ANKRD33: variants seen among roughly 807,000 people sequenced by gnomAD.
ANKRD33 encodes ankyrin repeat domain 33.
Under a neutral mutation model 20.6 loss-of-function variants are expected in ANKRD33, and 20 were observed. The ratio of observed to expected loss-of-function variants is 0.97; its 90% CI spans 0.68 to 1.41. The LOEUF is 1.41. Ranked by LOEUF, ANKRD33 falls within the 40% of genes most tolerant of loss-of-function variation. ANKRD33 has a pLI of 0.00. For missense variants in ANKRD33, 545 were observed against 579.6 expected (o/e 0.94, Z 0.61); for synonymous variants, 246 against 245.0 (o/e 1.00, Z -0.04).
At position 51,891,245 on chromosome 12, in the gene ANKRD33, C is replaced by A; in HGVS notation, c.1299C>A (p.Tyr433Ter). The A allele has an allele frequency of 1.2e-6, 2 of 1,614,226 alleles. No homozygotes were observed. Among genetic ancestry groups the A allele is most frequent in the Non-Finnish European group, 1.7e-6 (2 of 1,180,052 alleles). Residue 433 changes from tyrosine (Y) to a stop codon, truncating the protein, a stop_gained, in exon 5 of 5, where the codon TAC becomes TAA. Coordinates refer to ENST00000301190, the MANE Select transcript of ANKRD33 (RefSeq NM_182608.4). LOFTEE classifies it high-confidence loss of function. ...GTCTGGCCCTTCCTCTCTGGCGATACCAGGAGCTCAGGATAGAGAAGAGGA... is the reference window on the plus strand; with the variant it reads ...GTCTGGCCCTTCCTCTCTGGCGATAACAGGAGCTCAGGATAGAGAAGAGGA... ...HQSLALPLWR[Y>*]QELRIEKRKQ...
Position 51,888,765 on chromosome 12 carries a change from C to A in ANKRD33, c.343C>A (p.Leu115Met), listed in dbSNP as rs1438063481. The change falls in exon 2 of 5, where the codon CTG (leucine) becomes ATG (methionine). Residue 115 changes from leucine to methionine, a missense_variant. Coordinates refer to ENST00000301190, the MANE Select transcript of ANKRD33 (RefSeq NM_182608.4). Reference protein sequence around the residue: ...HNDPTQLQAILDGGVSPEEAT... With the variant: ...HNDPTQLQAIMDGGVSPEEAT... Reference sequence around the variant, plus strand: ...TGATCCCACCCAGCTCCAAGCCATACTGGATGGTGGGGTCTCCCCAGAGGA... The same window carrying A: ...TGATCCCACCCAGCTCCAAGCCATAATGGATGGTGGGGTCTCCCCAGAGGA... The A allele has an allele frequency of 6.2e-7, 1 of 1,614,100 alleles. No homozygotes were observed.
rs1474406182 is a variant in ANKRD33 at position 51,888,747 on chromosome 12, A to T, written c.325A>T (p.Thr109Ser). 5 of 1,613,712 alleles carry T rather than the reference A, an allele frequency of 3.1e-6. No individual in the cohort carries two copies. The highest frequency in any genetic ancestry group is 4.2e-6 in the Non-Finnish European group (5 of 1,180,006). ...LYWACVHNDPTQLQAILDGGV... is the reference protein window; with the variant it reads ...LYWACVHNDPSQLQAILDGGV... ...TTGGGCCTGTGTCCACAATGATCCC[A>T]CCCAGCTCCAAGCCATACTGGATGG... Residue 109 changes from threonine to serine, a missense_variant, in exon 2 of 5, where the codon ACC becomes TCC. Coordinates refer to ENST00000301190, the MANE Select transcript of ANKRD33 (RefSeq NM_182608.4).
chr12:51,888,838 C>T lies in ANKRD33; in HGVS notation c.396+20C>T. On this transcript the variant is annotated intron_variant, in intron 2 of 4. Coordinates refer to ENST00000301190, the MANE Select transcript of ANKRD33 (RefSeq NM_182608.4). ...GGGAGGGTGAGATGTCCTGGCTTCCCAGAACAGCTGGGGGCATCTTTGCAT... is the reference window on the plus strand; with the variant it reads ...GGGAGGGTGAGATGTCCTGGCTTCCTAGAACAGCTGGGGGCATCTTTGCAT... The T allele has an allele frequency of 6.2e-7, 1 of 1,611,048 alleles. No individual in the cohort carries two copies. Among genetic ancestry groups the T allele is most frequent in the Middle Eastern group, 1.7e-4 (1 of 6,058 alleles).
Position 51,891,446 on chromosome 12 carries a change from C to G in ANKRD33, c.*141C>G, listed in dbSNP as rs1230516257. 1.5e-6 allele frequency: 2 copies of G among 1,336,790 alleles called. No homozygotes were observed. The highest frequency in any genetic ancestry group is 2.9e-5 in the African/African-American group (2 of 67,848). 82.8% of individuals were successfully genotyped at this position (1,336,790 alleles called of 1,614,324 possible). The stretch of plus-strand genomic sequence containing the variant: ...CAACCTATATATATACAAGGTCATT[C>G]ATTCTAGCATTGTTTGCAAGAGTGA... On this transcript the variant is annotated 3_prime_UTR_variant, in exon 5 of 5. Transcript: ENST00000301190.
Position 51,888,720 on chromosome 12 carries a change from T to A in ANKRD33, c.298T>A (p.Tyr100Asn). 2 of 1,614,066 alleles carry A rather than the reference T, an allele frequency of 1.2e-6. No homozygotes were observed. Among genetic ancestry groups the A allele is most frequent in the Non-Finnish European group, 1.7e-6 (2 of 1,179,996 alleles). The change falls in exon 2 of 5, where the codon TAT becomes AAT. Residue 100 changes from tyrosine to asparagine, a missense_variant. Coordinates refer to ENST00000301190, the MANE Select transcript of ANKRD33 (RefSeq NM_182608.4). ...PTPGCRLGAL[Y>N]WACVHNDPTQ... ...CCCAGGCTGCAGGCTGGGGGCCCTG[T>A]ATTGGGCCTGTGTCCACAATGATCC...
In ANKRD33 at chr12:51,888,291, G is replaced by A. The variant is rs1218850876; in HGVS notation, c.105G>A (p.Val35=). 6.2e-7 allele frequency: 1 copy of A among 1,613,602 alleles called. No individual in the cohort carries two copies. The highest frequency in any genetic ancestry group is 8.5e-7 in the Non-Finnish European group (1 of 1,179,874). The change falls in exon 1 of 5, where the codon GTG becomes GTA. Residue 35 remains valine, a synonymous_variant. Transcript: ENST00000301190. ...PVIVLRGAWA[V]PRVDCLIDTL... ...TTGTGCTCCGCGGAGCCTGGGCTGT[G>A]CCCCGCGTTGACTGCCTCATAGATA... is the stretch of plus-strand genomic sequence containing the variant.
At position 51,891,307 on chromosome 12, in the gene ANKRD33, G is replaced by A; in HGVS notation, c.*2G>A. 1 of 1,613,508 alleles carries A rather than the reference G, an allele frequency of 6.2e-7. No individual in the cohort carries two copies. The highest frequency in any genetic ancestry group is 1.7e-5 in the Admixed American group (1 of 59,974). ...GAGGCCAGAATGGCACAGAAGTAGG[G>A]GAAGATGGGATAGGACAGGCTGGGA... On this transcript the variant is annotated 3_prime_UTR_variant, in exon 5 of 5. Transcript: ENST00000301190.
At chr12:51,890,325 A>T in intron 4 of ANKRD33, 1 of 848,382 alleles carries the variant, frequency 1.2e-6, no homozygotes, top group South Asian at 1.5e-5. Context: ...AGCTCCTTGG[A>T]TTGAGGAGAT....
rs113836913 is a variant in ANKRD33 at position 51,889,525 on chromosome 12, T to C, written c.637+43T>C. 1.7e-5 allele frequency: 28 copies of C among 1,603,692 alleles called. 1 individual carries two copies. Among genetic ancestry groups the C allele is most frequent in the African/African-American group, 1.7e-4 (13 of 74,746 alleles). ...CTCCTCATGGCAGGTGTGCGGGGCC[T>C]GGACCGGGGTGTGTGGCCTCCAGTC... On this transcript the variant is annotated intron_variant, in intron 4 of 4. Coordinates refer to ENST00000301190, the MANE Select transcript of ANKRD33 (RefSeq NM_182608.4).
chr12:51,889,357 C>G lies in ANKRD33; in HGVS notation c.527-15C>G, dbSNP rs1256647877. On this transcript the variant is annotated splice_polypyrimidine_tract_variant and intron_variant, in intron 3 of 4. Transcript: ENST00000301190. ...CCCTTTCCTGGGGACCAAGCTTACC[C>G]TTGCTGCCCTGCAGGCCACGTGCCT... is the stretch of plus-strand genomic sequence containing the variant. 6.2e-7 allele frequency: 1 copy of G among 1,613,194 alleles called. No individual in the cohort carries two copies. The highest frequency in any genetic ancestry group is 1.1e-5 in the South Asian group (1 of 90,968).
chr12:51,890,543 C>G (rs780169587), intron 4 of ANKRD33, 41 bp from the exon 5 acceptor site: 17 of 1,583,306 alleles, frequency 1.1e-5, no homozygotes. Flanking sequence ...AAATCACCAA[C>G]CCCTATCCCG....
At chr12:51,889,312 G>A (rs188255079) in intron 3 of ANKRD33, 60 bp from the exon 4 acceptor site, 19 of 1,606,752 alleles carry the variant, frequency 1.2e-5, no homozygotes, top group East Asian at 4.5e-5. Context: ...GGTGGAGGGC[G>A]GTTTGGGAGC....
chr12:51,889,674 C>G (rs2139037461), intron 4 of ANKRD33, 192 bp downstream of exon 4: 1 of 1,098,652 alleles, frequency 9.1e-7, no homozygotes, highest in South Asian at 1.7e-5. Context: ...ATTTGGGCTT[C>G]GTACAATCAA....
chr12:51,890,913 G>C lies in ANKRD33; in HGVS notation c.967G>C (p.Ala323Pro). ...TSLASPFVTT[A>P]CHTLCPDHPP... ...CCTGGCCAGTCCCTTCGTCACCACT[G>C]CCTGCCACACTCTGTGCCCTGACCA... Residue 323 changes from alanine (A) to proline (P), a missense_variant, in exon 5 of 5, where the codon GCC becomes CCC. Transcript: ENST00000301190. 1 of 1,613,438 alleles carries C rather than the reference G, an allele frequency of 6.2e-7. No individual in the cohort carries two copies.
chr12:51,890,899 C>T lies in ANKRD33; in HGVS notation c.953C>T (p.Pro318Leu). Residue 318 changes from proline (P) to leucine (L), a missense_variant, in exon 5 of 5, where the codon CCC (proline) becomes CTC (leucine). Coordinates refer to ENST00000301190, the MANE Select transcript of ANKRD33 (RefSeq NM_182608.4). ...LVTATTSLASPFVTTACHTLC... is the reference protein window; with the variant it reads ...LVTATTSLASLFVTTACHTLC... Reference sequence around the variant, plus strand: ...ACTGCCACAACCAGCCTGGCCAGTCCCTTCGTCACCACTGCCTGCCACACT... The same window carrying T: ...ACTGCCACAACCAGCCTGGCCAGTCTCTTCGTCACCACTGCCTGCCACACT... 1 of 1,613,514 alleles carries T rather than the reference C, an allele frequency of 6.2e-7. No homozygotes were observed. The highest frequency in any genetic ancestry group is 8.5e-7 in the Non-Finnish European group (1 of 1,179,998).
chr12:51,890,917 G>GC lies in ANKRD33; in HGVS notation c.973dup (p.His325ProfsTer6), dbSNP rs1940405853. ...GCCAGTCCCTTCGTCACCACTGCCT[G>GC]CCACACTCTGTGCCCTGACCATCCA... On this transcript the variant is annotated frameshift_variant, in exon 5 of 5. Transcript: ENST00000301190. LOFTEE classifies it low-confidence loss of function (END_TRUNC). 6 of 1,613,574 alleles carry GC rather than the reference G, an allele frequency of 3.7e-6. No individual in the cohort carries two copies. The Admixed American group carries it at 1.0e-4, about 27-fold the overall frequency.
rs766681544 is a variant in ANKRD33, at chr12:51,888,727, C to T, written c.305C>T (p.Ala102Val). 1 of 1,614,062 alleles carries T rather than the reference C, an allele frequency of 6.2e-7. No homozygotes were observed. The highest frequency in any genetic ancestry group is 1.1e-5 in the South Asian group (1 of 91,088). Residue 102 changes from alanine (A) to valine (V), a missense_variant, in exon 2 of 5, where the codon GCC (alanine) becomes GTC (valine). By Grantham distance (64) the Ala-to-Val change is moderately conservative. Coordinates refer to ENST00000301190, the MANE Select transcript of ANKRD33 (RefSeq NM_182608.4). ...PGCRLGALYW[A>V]CVHNDPTQLQ... ...TGCAGGCTGGGGGCCCTGTATTGGG[C>T]CTGTGTCCACAATGATCCCACCCAG...
At chr12:51,888,895 A>AGAGG in intron 2 of ANKRD33, 77 bp downstream of exon 2, 4 of 1,597,714 alleles carry the variant, frequency 2.5e-6, no homozygotes, top group Non-Finnish European at 3.4e-6. Flanking sequence ...TGGCTCCCTG[A>AGAGG]GAGGGGTTCA....
In ANKRD33 at chr12:51,890,849, G is replaced by A. The variant is rs1940402480; in HGVS notation, c.903G>A (p.Glu301=). 1.2e-6 allele frequency: 2 copies of A among 1,612,448 alleles called. No individual in the cohort carries two copies. The highest frequency in any genetic ancestry group is 1.7e-6 in the Non-Finnish European group (2 of 1,179,800). ...LSLPFAPSPQ[E]GGVLDHLVTA... ...TCCCCTTTGCCCCGTCTCCTCAGGA[G>A]GGGGGTGTTCTGGACCACCTTGTGA... Residue 301 remains glutamate, a synonymous_variant, in exon 5 of 5, where the codon GAG becomes GAA. Coordinates refer to ENST00000301190, the MANE Select transcript of ANKRD33 (RefSeq NM_182608.4).
Sources: allele counts gnomAD v4.1 joint callset, GRCh38; gene constraint gnomAD v4.1.1; transcripts MANE v1.5; gene names NCBI Gene and HGNC (gene_info 2026-07-23, HGNC 2026-07-21).